The following ASIC2 variants were observed in gnomAD, a reference collection of about 807,000 sequenced individuals.
ASIC2 encodes acid-sensing ion channel 2.
A neutral mutation model predicts 57.3 loss-of-function variants in ASIC2; 25 were observed. The ratio of observed to expected loss-of-function variants is 0.44; its 90% CI spans 0.32 to 0.61. The LOEUF is 0.61. Among genes scored for constraint, ASIC2 ranks in the 20% least tolerant of loss-of-function variants. The pLI is 0.06. For missense variants in ASIC2, 641 were observed against 738.1 expected (o/e 0.87, Z 1.52); for synonymous variants, 319 against 307.5 (o/e 1.04, Z -0.39).
At chr17:33,470,102 T>C (rs1171061327) in intron 1 of ASIC2, among the ~76,000 whole-genome samples, 2 of 152,188 alleles carry the variant, frequency 1.3e-5, no homozygotes, top group Non-Finnish European at 2.9e-5. Context: ...ATGACTCATG[T>C]GGACTAGTGA....
chr17:33,596,223 T>G (rs1024128862), intron 1 of ASIC2, among the ~76,000 whole-genome samples: 1 of 152,206 alleles, frequency 6.6e-6, no homozygotes, highest in Non-Finnish European at 1.5e-5. Flanking sequence ...CTCTCTCTTC[T>G]CCTTCCTCTA....
intron 1 of ASIC2, among the ~76,000 whole-genome samples, chr17:33,662,142 T>TA (rs1470716409): frequency 1.3e-5 from 2 of 152,166 alleles, no homozygotes; most frequent in Non-Finnish European, 2.9e-5. Context: ...ACTCTCATCT[T>TA]AAAAGTGAGA....
At chr17:33,425,342 G>C (rs1265714694) in intron 1 of ASIC2, among the ~76,000 whole-genome samples, 1 of 152,250 alleles carries the variant, frequency 6.6e-6, no homozygotes, top group Non-Finnish European at 1.5e-5. Context: ...AGCTCTGTCA[G>C]ATGCCAAAGC....
intron 1 of ASIC2, among the ~76,000 whole-genome samples, chr17:33,277,359 G>A (rs1904746480): frequency 6.6e-6 from 1 of 152,194 alleles, no homozygotes; most frequent in Non-Finnish European, 1.5e-5. Flanking sequence ...AACCGACCTG[G>A]CTTTGGTACC....
intron 1 of ASIC2, among the ~76,000 whole-genome samples, chr17:33,388,186 C>T (rs1233113809): frequency 6.6e-6 from 1 of 152,248 alleles, no homozygotes; most frequent in African/African-American, 2.4e-5. Flanking sequence ...GATGTGGCCA[C>T]TGGCCACAAG....
intron 1 of ASIC2, among the ~76,000 whole-genome samples, chr17:33,807,484 A>G (rs1048327357): frequency 6.6e-6 from 1 of 152,132 alleles, no homozygotes; most frequent in East Asian, 1.9e-4. Context: ...TAATCAATCA[A>G]TTACAACACA....
chr17:34,126,856 C>T (rs1487115504), intron 1 of ASIC2, among the ~76,000 whole-genome samples: 1 of 152,136 alleles, frequency 6.6e-6, no homozygotes, highest in Non-Finnish European at 1.5e-5. Flanking sequence ...TACCCAGCTT[C>T]CAGGTGATGC....
chr17:33,142,633 C>T (rs1904365032), intron 1 of ASIC2, among the ~76,000 whole-genome samples: 1 of 152,160 alleles, frequency 6.6e-6, no homozygotes, highest in South Asian at 2.1e-4. Flanking sequence ...GCATATGGTT[C>T]TCTTGGCTGG....
chr17:33,181,654 T>C (rs548848927), intron 1 of ASIC2, among the ~76,000 whole-genome samples: 3 of 152,314 alleles, frequency 2.0e-5, no homozygotes, highest in South Asian at 4.1e-4. Flanking sequence ...ACACCAGTCA[T>C]TGGACCTGGG....
intron 1 of ASIC2, among the ~76,000 whole-genome samples, chr17:33,894,344 TGCGTGC>T (rs1567748881): frequency 2.6e-3 from 268 of 103,960 alleles, no homozygotes; most frequent in East Asian, 0.021. Flanking sequence ...CGTGCGTGCG[TGCGTGC>T]GTGTGTGTGT....
intron 1 of ASIC2, among the ~76,000 whole-genome samples, chr17:33,897,366 A>G (rs941167167): frequency 2.0e-5 from 3 of 152,216 alleles, no homozygotes; most frequent in East Asian, 3.8e-4. Flanking sequence ...TAAACTTTGT[A>G]TTATGGCATC....
intron 1 of ASIC2, among the ~76,000 whole-genome samples, chr17:33,194,876 G>A (rs1597624529): frequency 6.6e-6 from 1 of 152,328 alleles, no homozygotes; most frequent in East Asian, 1.9e-4. Flanking sequence ...CACCAGCACA[G>A]TGAGCTGCAA....
intron 1 of ASIC2, among the ~76,000 whole-genome samples, chr17:33,998,078 G>A (rs1779769316): frequency 6.6e-6 from 1 of 151,778 alleles, no homozygotes; most frequent in South Asian, 2.1e-4. Context: ...CTTGTTATTG[G>A]CCTGTTCAGA....
intron 1 of ASIC2, among the ~76,000 whole-genome samples, chr17:33,166,994 C>A (rs947203390): frequency 6.6e-6 from 1 of 152,158 alleles, no homozygotes; most frequent in African/African-American, 2.4e-5. Context: ...ACTGGAAGAG[C>A]CAGCAATGTC....
chr17:33,815,038 T>C lies in ASIC2; in HGVS notation c.555+340940A>G, dbSNP rs146172832. 2.9e-4 allele frequency among the ~76,000 whole-genome samples: 44 copies of C among 152,318 alleles called. 1 individual carries two copies. The highest frequency in any genetic ancestry group is 6.8e-3 in the Middle Eastern group (2 of 294). ...TGGGTATGGGGACCAAGCATGGGCA[T>C]TGAGGTATGACAGTGTAGGTGTGGT... On this transcript the variant is annotated intron_variant, in intron 1 of 9. Coordinates refer to the ASIC2 transcript ENST00000359872.
At chr17:33,712,728 C>A (rs866012843) in intron 1 of ASIC2, among the ~76,000 whole-genome samples, 16 of 142,694 alleles carry the variant, frequency 1.1e-4, no homozygotes, top group Middle Eastern at 4.2e-3. Context: ...TCACTGCAAG[C>A]TCCGCCTCCC....
intron 1 of ASIC2, among the ~76,000 whole-genome samples, chr17:33,978,968 AG>A (rs1905499899): frequency 6.6e-6 from 1 of 152,170 alleles, no homozygotes; most frequent in Non-Finnish European, 1.5e-5. Context: ...GGGACAGGAC[AG>A]GCTTATTGTG....
intron 3 of ASIC2, among the ~76,000 whole-genome samples, chr17:33,068,315 C>T (rs151288903): frequency 6.6e-6 from 1 of 152,228 alleles, no homozygotes; most frequent in Non-Finnish European, 1.5e-5. Context: ...AGTGATTGTG[C>T]CTGAGGTCAG....
At chr17:33,139,956 G>A (rs548603085) in intron 1 of ASIC2, among the ~76,000 whole-genome samples, 7 of 152,306 alleles carry the variant, frequency 4.6e-5, no homozygotes, top group African/African-American at 1.4e-4. Context: ...TCTACCTGCC[G>A]GGGTTGTACA....
Sources: allele counts gnomAD v4.1 joint callset (sites outside exome capture counted in the v4.1 genomes callset), GRCh38; gene constraint gnomAD v4.1.1; transcripts MANE v1.5; gene names NCBI Gene and HGNC (gene_info 2026-07-23, HGNC 2026-07-21).